CADPS2: variants seen among roughly 807,000 people sequenced by gnomAD.
CADPS2 encodes the protein calcium-dependent secretion activator 2.
In CADPS2, 93 loss-of-function variants were observed where a neutral mutation model predicts 172.5. That is an observed-to-expected ratio of 0.54 (90% CI 0.46 to 0.64). The LOEUF (loss-of-function observed/expected upper bound fraction) is 0.64. CADPS2 is among the 30% of genes least tolerant of loss of function. CADPS2 has a pLI of 0.00. For missense variants in CADPS2, 1,420 were observed against 1,565.9 expected (o/e 0.91, Z 1.57); for synonymous variants, 546 against 555.2 (o/e 0.98, Z 0.23).
rs532255504 is a variant in CADPS2, at chr7:122,526,817, T to C, written c.1476-13502A>G. ...CTTCCACAAAGTCATGGCCAGCAGATTGTTTGACTAATGTTTACTCCCCAC... is the reference window on the plus strand; with the variant it reads ...CTTCCACAAAGTCATGGCCAGCAGACTGTTTGACTAATGTTTACTCCCCAC... On this transcript the variant is annotated intron_variant, in intron 8 of 29. Coordinates refer to ENST00000449022, the MANE Select transcript of CADPS2 (RefSeq NM_017954.11). Among the ~76,000 whole-genome samples the C allele has an allele frequency of 4.9e-4, 75 of 152,250 alleles. No homozygotes were observed. In the South Asian group the frequency reaches 0.015, roughly 31 times the overall value.
chr7:122,319,461 T>C lies in CADPS2; in HGVS notation c.*704A>G, dbSNP rs1189786083. On this transcript the variant is annotated 3_prime_UTR_variant, in exon 30 of 30. Coordinates refer to ENST00000449022, the MANE Select transcript of CADPS2 (RefSeq NM_017954.11). ...ACTGGAGCAGGAGAATATGGTATCTTGACGGAAGCACACTTGCTACCCCAC... is the reference window on the plus strand; with the variant it reads ...ACTGGAGCAGGAGAATATGGTATCTCGACGGAAGCACACTTGCTACCCCAC... 6.6e-6 allele frequency: 1 copy of C among 152,210 alleles called. No homozygotes were observed. Among genetic ancestry groups the C allele is most frequent in the Non-Finnish European group, 1.5e-5 (1 of 68,046 alleles). 9.4% of individuals were successfully genotyped at this position (152,210 alleles called of 1,614,324 possible).
chr7:122,470,507 AT>A, intron 14 of CADPS2, among the ~76,000 whole-genome samples: 2 of 151,804 alleles, frequency 1.3e-5, no homozygotes, highest in East Asian at 3.9e-4. Context: ...TTTTATTTTT[AT>A]TTTTTAAGAC....
chr7:122,611,922 T>A (rs775744394), intron 6 of CADPS2, among the ~76,000 whole-genome samples: 3 of 152,062 alleles, frequency 2.0e-5, no homozygotes, highest in East Asian at 1.9e-4. Flanking sequence ...AATCAAATAA[T>A]GTATTACATC....
At chr7:122,396,007 T>C (rs1037251979) in intron 20 of CADPS2, among the ~76,000 whole-genome samples, 13 of 152,124 alleles carry the variant, frequency 8.5e-5, no homozygotes, top group African/African-American at 2.9e-4. Context: ...ACAGGGTTTC[T>C]CCATGTTGGT....
At chr7:122,527,402 TCTCA>T (rs1198471789) in intron 8 of CADPS2, among the ~76,000 whole-genome samples, 2 of 111,486 alleles carry the variant, frequency 1.8e-5, no homozygotes, top group East Asian at 2.7e-4. Flanking sequence ...GATTTCTAAC[TCTCA>T]CTAATATGCT....
At chr7:122,639,085 C>T (rs1025194128) in intron 3 of CADPS2, among the ~76,000 whole-genome samples, 17 of 152,162 alleles carry the variant, frequency 1.1e-4, no homozygotes, top group Admixed American at 1.3e-4. Context: ...GAAAAGCATA[C>T]TTCCAAGCAA....
chr7:122,762,027 TATAC>T (rs1285514791), intron 1 of CADPS2, among the ~76,000 whole-genome samples: 56 of 69,804 alleles, frequency 8.0e-4, no homozygotes, highest in South Asian at 3.5e-3. Context: ...TATATATATA[TATAC>T]ACACACACAC....
chr7:122,870,318 G>A (rs866346710), intron 1 of CADPS2, among the ~76,000 whole-genome samples: 2 of 151,958 alleles, frequency 1.3e-5, no homozygotes, highest in South Asian at 4.1e-4. Flanking sequence ...TACATATCAG[G>A]CAAAATAGAC....
intron 6 of CADPS2, chr7:122,585,669 T>C (rs1204585524): frequency 6.6e-6 from 1 of 151,956 alleles, no homozygotes; most frequent in Non-Finnish European, 1.5e-5. Context: ...TCAAAACGTA[T>C]TGCCTTTCTC....
chr7:122,678,606 T>C (rs1030109653), intron 2 of CADPS2, among the ~76,000 whole-genome samples: 5 of 152,116 alleles, frequency 3.3e-5, no homozygotes, highest in South Asian at 2.1e-4. Context: ...GTAGGGGCCA[T>C]AGGATGGGTT....
chr7:122,541,787 ATT>A (rs1158770767), intron 8 of CADPS2, among the ~76,000 whole-genome samples: 2 of 114,536 alleles, frequency 1.7e-5, no homozygotes, highest in Non-Finnish European at 4.0e-5. Flanking sequence ...ATATTCATAT[ATT>A]TATATATTCA....
intron 20 of CADPS2, 26 bp from the exon 21 acceptor site, chr7:122,393,608 T>C: frequency 6.2e-7 from 1 of 1,613,240 alleles, no homozygotes; most frequent in South Asian, 1.1e-5. Flanking sequence ...AGAAACAGTG[T>C]TTGTCAGAGG....
At chr7:122,645,668 T>TACATATATCTCTAAG (rs1311166643) in intron 3 of CADPS2, among the ~76,000 whole-genome samples, 1 of 86,738 alleles carries the variant, frequency 1.2e-5, no homozygotes, top group Non-Finnish European at 2.3e-5. Flanking sequence ...GATATATATA[T>TACATATATCTCTAAG]ATATATATAT....
rs1419763183 is a variant in CADPS2 at position 122,472,980 on chromosome 7, T to G, written c.1998+1401A>C. Among the ~76,000 whole-genome samples, 5 of 152,080 alleles carry G rather than the reference T, an allele frequency of 3.3e-5. No homozygotes were observed. In the South Asian group the frequency reaches 1.0e-3, roughly 31 times the overall value. ...ATTGCATGAAGTTTCAGGTTGAGCA[T>G]CCCAAATCCAAAAGTCCCAGACCTG... On this transcript the variant is annotated intron_variant, in intron 13 of 29. Coordinates refer to ENST00000449022, the MANE Select transcript of CADPS2 (RefSeq NM_017954.11).
intron 2 of CADPS2, among the ~76,000 whole-genome samples, chr7:122,671,185 C>T (rs1295754622): frequency 2.0e-5 from 3 of 152,158 alleles, no homozygotes; most frequent in Non-Finnish European, 4.4e-5. Context: ...TATCTCTTTT[C>T]CTCACTGGAC....
At chr7:122,527,695 T>C (rs2061387308) in intron 8 of CADPS2, among the ~76,000 whole-genome samples, 1 of 150,714 alleles carries the variant, frequency 6.6e-6, no homozygotes, top group South Asian at 2.1e-4. Context: ...TCAGTATTAT[T>C]ATGACACGTA....
At chr7:122,655,958 C>T (rs1231037039) in intron 3 of CADPS2, among the ~76,000 whole-genome samples, 1 of 152,110 alleles carries the variant, frequency 6.6e-6, no homozygotes, top group East Asian at 1.9e-4. Flanking sequence ...GGGCAAGCTG[C>T]AAATCATTGA....
At chr7:122,528,556 A>G (rs950194227) in intron 8 of CADPS2, among the ~76,000 whole-genome samples, 1 of 152,176 alleles carries the variant, frequency 6.6e-6, no homozygotes. Flanking sequence ...GCCAGTAGTC[A>G]TAAAGAATCC....
intron 6 of CADPS2, among the ~76,000 whole-genome samples, chr7:122,587,290 AGT>A (rs2069877469): frequency 6.6e-6 from 1 of 151,798 alleles, no homozygotes; most frequent in Non-Finnish European, 1.5e-5. Flanking sequence ...GACAGGCCCC[AGT>A]GTGTGTTGTT....
Sources: allele counts gnomAD v4.1 joint callset (sites outside exome capture counted in the v4.1 genomes callset), GRCh38; gene constraint gnomAD v4.1.1; transcripts MANE v1.5; gene names NCBI Gene and HGNC (gene_info 2026-07-23, HGNC 2026-07-21).